Variants in ART1 observed in about 807,000 individuals in gnomAD.
ART1 encodes ADP-ribosyltransferase 1.
A neutral mutation model predicts 27.0 loss-of-function variants in ART1; 29 were observed. The observed-to-expected ratio is 1.08, with a 90% CI of 0.80 to 1.47. The LOEUF (loss-of-function observed/expected upper bound fraction) is 1.47, where lower values mean the gene tolerates loss of function less well. Among genes scored for constraint, ART1 ranks in the 40% most tolerant of loss-of-function variants. ART1 has a pLI of 0.00. For missense variants in ART1, 480 were observed against 423.0 expected, an observed-to-expected ratio of 1.13 and a Z score of -1.18; for synonymous variants, 201 against 172.2, an observed-to-expected ratio of 1.17 and a Z score of -1.31.
chr11:3,649,821 T>A (rs745503227), intron 1 of ART1, among the ~76,000 whole-genome samples: 1 of 151,312 alleles, frequency 6.6e-6, no homozygotes, highest in Non-Finnish European at 1.5e-5. Context: ...CGTTTAGGCT[T>A]TTTCATCAAA....
rs111942933 is a variant in ART1 at position 3,659,939 on chromosome 11, C to T, written c.420C>T (p.Arg140=). Residue 140 remains arginine (R), a synonymous_variant, in exon 3 of 5, where the codon CGC becomes CGT. Transcript: ENST00000250693. ...ATGCAGCCGTGCGTGAGGCGGGCCG[C>T]TCCCGGGCCCACTACCTCCACCACT... ...EFNAAVREAG[R]SRAHYLHHFS... 9.4e-4 allele frequency: 1,523 copies of T among 1,613,668 alleles called. 8 individuals carry two copies. In the African/African-American group the frequency reaches 0.017, roughly 18 times the overall value.
chr11:3,663,217 T>C (rs1422137825), intron 4 of ART1, among the ~76,000 whole-genome samples: 1 of 152,092 alleles, frequency 6.6e-6, no homozygotes, highest in Non-Finnish European at 1.5e-5. Context: ...ACCCCCCTTA[T>C]ATGGTCAAGT....
chr11:3,655,236 C>T lies in ART1; in HGVS notation c.-52-3926C>T, dbSNP rs2077562985. ...AAGAAAAGACTCTCAGTTTCCTTCCCCCAAAAGCAGACCCACAGACAAGTA... is the reference window on the plus strand; with the variant it reads ...AAGAAAAGACTCTCAGTTTCCTTCCTCCAAAAGCAGACCCACAGACAAGTA... On this transcript the variant is annotated intron_variant, in intron 1 of 4. Coordinates refer to ENST00000250693, the MANE Select transcript of ART1 (RefSeq NM_004314.3). Among the ~76,000 whole-genome samples, 3 of 152,182 alleles carry T rather than the reference C, an allele frequency of 2.0e-5. No homozygotes were observed. The South Asian group carries it at 6.2e-4, about 32-fold the overall frequency.
Position 3,659,279 on chromosome 11 carries a change from A to G in ART1, c.63+3A>G. The G allele has an allele frequency of 6.2e-7, 1 of 1,614,118 alleles. No homozygotes were observed. Among genetic ancestry groups the G allele is most frequent in the South Asian group, 1.1e-5 (1 of 91,084 alleles). On this transcript the variant is annotated splice_donor_region_variant and intron_variant, in intron 2 of 4. Coordinates refer to ENST00000250693, the MANE Select transcript of ART1 (RefSeq NM_004314.3). ...TGGGCCTCATGGAAGCACTTCAGGT[A>G]TGGGCATCCCCCACTGTTCCCACCC...
At chr11:3,654,901 T>A (rs1341948548) in intron 1 of ART1, among the ~76,000 whole-genome samples, 1 of 146,336 alleles carries the variant, frequency 6.8e-6, no homozygotes, top group Non-Finnish European at 1.6e-5. Context: ...ATGTATCTTG[T>A]TTATTGTAGA....
chr11:3,660,863 C>T (rs1821702995), intron 3 of ART1, among the ~76,000 whole-genome samples: 1 of 152,164 alleles, frequency 6.6e-6, no homozygotes, highest in African/African-American at 2.4e-5. Flanking sequence ...GGGTGCTGTG[C>T]CCCTAAGGTC....
intron 1 of ART1, 32 bp from the exon 2 acceptor site, chr11:3,659,130 A>G: frequency 3.0e-6 from 4 of 1,322,518 alleles, no homozygotes; most frequent in Admixed American, 1.9e-5. Flanking sequence ...CATGTTTATT[A>G]AACTATACAG....
At chr11:3,647,161 T>C (rs760104172) in intron 1 of ART1, among the ~76,000 whole-genome samples, 55 of 151,894 alleles carry the variant, frequency 3.6e-4, no homozygotes, top group Non-Finnish European at 1.3e-4. Context: ...CCATTTCTAC[T>C]AAAAATATAA....
rs779943962 is a variant in ART1, at chr11:3,659,607, C to G, written c.88C>G (p.Arg30Gly). 1.2e-6 allele frequency: 2 copies of G among 1,608,152 alleles called. No homozygotes were observed. Among genetic ancestry groups the G allele is most frequent in the Admixed American group, 1.7e-5 (1 of 59,836 alleles). Residue 30 changes from arginine (R) to glycine (G), a missense_variant, in exon 3 of 5, where the codon CGA becomes GGA. Physicochemically the swap from Arg to Gly is moderately radical, Grantham distance 125. Transcript: ENST00000250693. ...GGCCCAGAGCCACCCCATCACACGA[C>G]GAGACCTCTTCTCTCAAGAGATTCA... The part of the protein sequence containing the change: ...LQAQSHPITR[R>G]DLFSQEIQLD...
At chr11:3,656,355 C>CTTATTTATTTAT (rs759921970) in intron 1 of ART1, among the ~76,000 whole-genome samples, 33 of 140,194 alleles carry the variant, frequency 2.4e-4, no homozygotes, top group South Asian at 1.4e-3. Context: ...TGTAGCCTGG[C>CTTATTTATTTAT]TTATTTATTT....
Position 3,659,875 on chromosome 11 carries a change from T to C in ART1, c.356T>C (p.Leu119Pro). ...CGCGATGAGCATGGGGTGGCCCTCC[T>C]GGCCTACACAGCCAACAGCCCCCTG... ...GFRDEHGVAL[L>P]AYTANSPLHK... Residue 119 changes from leucine (L) to proline (P), a missense_variant, in exon 3 of 5, where the codon CTG becomes CCG. By Grantham distance (98) the Leu-to-Pro change is moderately conservative (BLOSUM62 -3). Coordinates refer to ENST00000250693, the MANE Select transcript of ART1 (RefSeq NM_004314.3). The C allele has an allele frequency of 6.2e-7, 1 of 1,612,852 alleles. No individual in the cohort carries two copies. The highest frequency in any genetic ancestry group is 2.2e-5 in the East Asian group (1 of 44,864).
intron 1 of ART1, among the ~76,000 whole-genome samples, chr11:3,653,351 T>A (rs2077542197): frequency 6.7e-6 from 1 of 148,376 alleles, no homozygotes; most frequent in Non-Finnish European, 1.5e-5. Flanking sequence ...AATGGCCGGT[T>A]CCTGCCTTAA....
intron 1 of ART1, among the ~76,000 whole-genome samples, chr11:3,645,977 C>T (rs1015936729): frequency 5.3e-5 from 8 of 152,014 alleles, no homozygotes; most frequent in Non-Finnish European, 8.8e-5. Flanking sequence ...GTGGCAGGTG[C>T]GAGCCTGCAG....
At chr11:3,661,255 G>A in intron 3 of ART1, 117 bp from the exon 4 acceptor site, 3 of 895,282 alleles carry the variant, frequency 3.4e-6, no homozygotes, top group Non-Finnish European at 5.0e-6. Context: ...GCAGAATTAG[G>A]GGGAAATGCA....
At chr11:3,650,487 G>A (rs1391561750) in intron 1 of ART1, among the ~76,000 whole-genome samples, 1 of 152,182 alleles carries the variant, frequency 6.6e-6, no homozygotes, top group Non-Finnish European at 1.5e-5. Flanking sequence ...ACAGTGGAAA[G>A]TAAGTCCGTC....
At chr11:3,660,702 A>G (rs1183351679) in intron 3 of ART1, among the ~76,000 whole-genome samples, 2 of 152,226 alleles carry the variant, frequency 1.3e-5, no homozygotes, top group Non-Finnish European at 1.5e-5. Flanking sequence ...ATTATTTTCC[A>G]GCCAGATTAT....
chr11:3,663,075 CA>C (rs1437925408), intron 4 of ART1, among the ~76,000 whole-genome samples: 378 of 91,310 alleles, frequency 4.1e-3, no homozygotes, highest in East Asian at 9.9e-3. Flanking sequence ...CATCTCATCT[CA>C]TCATCTCATC....
At chr11:3,654,909 A>G (rs946018983) in intron 1 of ART1, among the ~76,000 whole-genome samples, 2 of 152,058 alleles carry the variant, frequency 1.3e-5, no homozygotes, top group Non-Finnish European at 2.9e-5. Flanking sequence ...TGTTTATTGT[A>G]GAGCAGATGC....
chr11:3,654,620 C>T (rs1401885158), intron 1 of ART1, among the ~76,000 whole-genome samples: 12 of 3,938 alleles, frequency 3.0e-3, no homozygotes, highest in Non-Finnish European at 5.9e-3. Context: ...CTCTGTCTAT[C>T]CTCACTGCCA....
Sources: allele counts gnomAD v4.1 joint callset (sites outside exome capture counted in the v4.1 genomes callset), GRCh38; gene constraint gnomAD v4.1.1; transcripts MANE v1.5; gene names NCBI Gene and HGNC (gene_info 2026-07-23, HGNC 2026-07-21).